PTPRD: variants seen among roughly 807,000 people sequenced by gnomAD.
PTPRD encodes receptor-type tyrosine-protein phosphatase delta.
PTPRD carries 34 observed loss-of-function variants against 214.5 expected under a neutral mutation model. The observed-to-expected ratio is 0.16, with a 90% CI of 0.12 to 0.21. The LOEUF (loss-of-function observed/expected upper bound fraction) is 0.21. Ranked by LOEUF, PTPRD falls within the 10% of genes least tolerant of loss-of-function variation. The pLI is 1.00. For missense variants in PTPRD, 2,545 were observed against 2,398.7 expected (o/e 1.06, Z -1.27); for synonymous variants, 1,128 against 845.7 (o/e 1.33, Z -5.79).
chr9:8,619,570 G>T (rs540304043), intron 14 of PTPRD, among the ~76,000 whole-genome samples: 1 of 151,880 alleles, frequency 6.6e-6, no homozygotes, highest in Non-Finnish European at 1.5e-5. Flanking sequence ...TGATAACTAT[G>T]TCTTCTTTAA....
intron 5 of PTPRD, among the ~76,000 whole-genome samples, chr9:9,769,971 G>C (rs952882036): frequency 6.6e-6 from 1 of 152,138 alleles, no homozygotes; most frequent in African/African-American, 2.4e-5. Context: ...GTATTCCATG[G>C]TGTATATGTG....
chr9:10,041,913 A>G (rs1449189185), intron 3 of PTPRD, among the ~76,000 whole-genome samples: 1 of 152,062 alleles, frequency 6.6e-6, no homozygotes. Context: ...TGGCAAAATA[A>G]CATCCTCCTT....
intron 10 of PTPRD, among the ~76,000 whole-genome samples, chr9:9,139,632 G>C (rs1269956022): frequency 5.3e-5 from 8 of 152,252 alleles, no homozygotes; most frequent in Non-Finnish European, 1.0e-4. Flanking sequence ...TCATGTCCTG[G>C]GTGGGAAGGA....
chr9:10,324,885 G>A (rs1397838824), intron 3 of PTPRD, among the ~76,000 whole-genome samples: 2 of 151,914 alleles, frequency 1.3e-5, no homozygotes, highest in Admixed American at 1.3e-4. Context: ...AAATGTATAA[G>A]TCAACAAAGC....
intron 11 of PTPRD, among the ~76,000 whole-genome samples, chr9:8,802,565 C>G (rs1037411569): frequency 3.3e-5 from 5 of 152,214 alleles, no homozygotes; most frequent in African/African-American, 9.6e-5. Context: ...ACTGGCCTCA[C>G]TCAGCCTGCA....
At chr9:9,493,787 C>CAAAAAA (rs750252052) in intron 8 of PTPRD, among the ~76,000 whole-genome samples, 86 of 54,228 alleles carry the variant, frequency 1.6e-3, no homozygotes, top group East Asian at 3.0e-3. Context: ...GACTCCGTCT[C>CAAAAAA]AAAAAAAAAA....
chr9:10,265,895 C>G (rs577140742), intron 3 of PTPRD, among the ~76,000 whole-genome samples: 20 of 152,210 alleles, frequency 1.3e-4, no homozygotes, highest in Non-Finnish European at 2.5e-4. Context: ...TTACAGTAAT[C>G]TAGTTTATGT....
chr9:9,593,119 A>C (rs2092915585), intron 7 of PTPRD, among the ~76,000 whole-genome samples: 1 of 138,798 alleles, frequency 7.2e-6, no homozygotes, highest in African/African-American at 2.6e-5. Context: ...AAAGGAAGGA[A>C]GGAAAGGAAA....
At chr9:10,092,918 G>T (rs1292654687) in intron 3 of PTPRD, among the ~76,000 whole-genome samples, 1 of 151,542 alleles carries the variant, frequency 6.6e-6, no homozygotes, top group African/African-American at 2.4e-5. Flanking sequence ...AATGAAACTG[G>T]ACTCCTGCCT....
At chr9:10,201,097 T>C (rs2099418204) in intron 3 of PTPRD, among the ~76,000 whole-genome samples, 1 of 151,966 alleles carries the variant, frequency 6.6e-6, no homozygotes, top group Non-Finnish European at 1.5e-5. Flanking sequence ...GTTATAAAAA[T>C]GGTACGGAAA....
In PTPRD at chr9:9,731,191, T is replaced by A. The variant is rs537294082; in HGVS notation, c.-287+3342A>T. On this transcript the variant is annotated intron_variant, in intron 7 of 45. Transcript: ENST00000381196. The stretch of plus-strand genomic sequence containing the variant: ...TTAGTTCCAGAGTAAATATTTTTTT[T>A]ACTTGAGAATTATATCATAATTTAA... Among the ~76,000 whole-genome samples, 205 of 152,322 alleles carry A rather than the reference T, an allele frequency of 1.3e-3. 1 individual carries two copies. The highest frequency in any genetic ancestry group is 4.6e-3 in the African/African-American group (190 of 41,590).
chr9:8,539,874 G>A (rs920748145), intron 14 of PTPRD, among the ~76,000 whole-genome samples: 1 of 152,050 alleles, frequency 6.6e-6, no homozygotes, highest in African/African-American at 2.4e-5. Flanking sequence ...CTTGAATGGC[G>A]ATAACTGGTG....
chr9:10,298,431 G>A (rs988024451), intron 3 of PTPRD, among the ~76,000 whole-genome samples: 12 of 152,118 alleles, frequency 7.9e-5, no homozygotes, highest in African/African-American at 2.6e-4. Context: ...TTCCAATAAC[G>A]ATAAAAGAAT....
chr9:9,613,139 T>C (rs1405738933), intron 7 of PTPRD, among the ~76,000 whole-genome samples: 1 of 64,978 alleles, frequency 1.5e-5, no homozygotes, highest in African/African-American at 4.3e-5. Flanking sequence ...TACATACATA[T>C]ATATATATAT....
At chr9:8,868,129 G>C (rs1174377374) in intron 11 of PTPRD, among the ~76,000 whole-genome samples, 1 of 152,146 alleles carries the variant, frequency 6.6e-6, no homozygotes, top group Non-Finnish European at 1.5e-5. Context: ...TAAAACATAT[G>C]TGCCCAGCCC....
chr9:9,114,630 G>A (rs1016524937), intron 10 of PTPRD, among the ~76,000 whole-genome samples: 5 of 152,054 alleles, frequency 3.3e-5, no homozygotes, highest in Admixed American at 3.3e-4. Flanking sequence ...GATAAAAGAT[G>A]CTTGGACTGC....
Position 10,142,072 on chromosome 9 carries a change from T to C in PTPRD, c.-544-108282A>G, listed in dbSNP as rs1029208014. On this transcript the variant is annotated intron_variant, in intron 3 of 45. Transcript: ENST00000381196. ...GTGCTGGGAAAACTGGCTAGCCATA[T>C]GTAGAAAGCTGAAACTGGATCCCTT... Among the ~76,000 whole-genome samples the C allele has an allele frequency of 3.3e-5, 5 of 152,132 alleles. No homozygotes were observed. In the South Asian group the frequency reaches 1.0e-3, roughly 32 times the overall value.
chr9:9,648,207 C>T (rs1047205745), intron 7 of PTPRD, among the ~76,000 whole-genome samples: 1 of 151,304 alleles, frequency 6.6e-6, no homozygotes, highest in African/African-American at 2.4e-5. Context: ...ATGTATAAAT[C>T]TTATATAGCC....
intron 39 of PTPRD, among the ~76,000 whole-genome samples, chr9:8,350,885 T>C (rs1327830563): frequency 2.6e-5 from 4 of 152,322 alleles, no homozygotes; most frequent in South Asian, 4.1e-4. Context: ...ATAGTAGTTA[T>C]AGCAGTTTTA....
Sources: allele counts gnomAD v4.1 joint callset (sites outside exome capture counted in the v4.1 genomes callset), GRCh38; gene constraint gnomAD v4.1.1; transcripts MANE v1.5; gene names NCBI Gene and HGNC (gene_info 2026-07-23, HGNC 2026-07-21).